Variants in TCF12 observed in about 807,000 individuals in gnomAD.
TCF12 encodes the protein transcription factor 12.
Under a neutral mutation model 86.0 loss-of-function variants are expected in TCF12, and 45 were observed. The ratio of observed to expected loss-of-function variants is 0.52; its 90% CI spans 0.41 to 0.67. TCF12 has a LOEUF of 0.67. TCF12 is among the 30% of genes least tolerant of loss of function. The pLI, the probability that TCF12 is intolerant of heterozygous loss-of-function variation, is 0.00. For missense variants in TCF12, 881 were observed against 859.9 expected, an observed-to-expected ratio of 1.02 and a Z score of -0.31; for synonymous variants, 330 against 299.6, an observed-to-expected ratio of 1.10 and a Z score of -1.05.
At position 56,945,280 on chromosome 15, in the gene TCF12, C is replaced by T. The variant is rs567842005; in HGVS notation, c.148+24182C>T. Among the ~76,000 whole-genome samples the T allele has an allele frequency of 1.6e-3, 241 of 152,058 alleles. 1 individual carries two copies. Among genetic ancestry groups the T allele is most frequent in the African/African-American group, 5.6e-3 (232 of 41,526 alleles). On this transcript the variant is annotated intron_variant, in intron 3 of 20. Transcript: ENST00000333725. ...TGATACTGGAAATTGTGTCTTTTTG[C>T]TTTTTTCTTAATCCGTCTTAAGAGA...
intron 3 of TCF12, among the ~76,000 whole-genome samples, chr15:56,950,319 G>A (rs996219748): frequency 5.3e-5 from 8 of 152,134 alleles, no homozygotes; most frequent in African/African-American, 1.9e-4. Context: ...TCTGCCTACC[G>A]GGTTCAAGCG....
intron 13 of TCF12, chr15:57,247,147 G>A (rs1211359257): frequency 1.8e-5 from 10 of 556,796 alleles, no homozygotes; most frequent in East Asian, 3.7e-5. Context: ...TCACTCCACC[G>A]TCACTCCACC....
chr15:57,035,934 C>T (rs894317389), intron 3 of TCF12, among the ~76,000 whole-genome samples: 2 of 152,182 alleles, frequency 1.3e-5, no homozygotes. Flanking sequence ...TCATAGGAAC[C>T]AAACCCTATT....
chr15:57,066,387 A>G (rs971972457), intron 4 of TCF12, among the ~76,000 whole-genome samples: 2 of 152,158 alleles, frequency 1.3e-5, no homozygotes, highest in Admixed American at 1.3e-4. Context: ...TTGGCTAAAG[A>G]CTAGTTTTGA....
chr15:57,151,163 T>C (rs1190040013), intron 5 of TCF12, among the ~76,000 whole-genome samples: 1 of 148,794 alleles, frequency 6.7e-6, no homozygotes, highest in Non-Finnish European at 1.5e-5. Flanking sequence ...TTTTTTTTTT[T>C]AGAGACAGGG....
intron 5 of TCF12, among the ~76,000 whole-genome samples, chr15:57,117,641 G>A (rs1291251031): frequency 2.0e-5 from 3 of 152,046 alleles, no homozygotes; most frequent in African/African-American, 7.2e-5. Flanking sequence ...AGAATTAAAG[G>A]ACATACTTGA....
At chr15:57,129,499 T>C (rs1488219800) in intron 5 of TCF12, among the ~76,000 whole-genome samples, 1 of 152,184 alleles carries the variant, frequency 6.6e-6, no homozygotes, top group African/African-American at 2.4e-5. Flanking sequence ...GCTGCAGTGA[T>C]CTGTGATGCG....
chr15:57,123,108 G>T (rs1294195359), intron 5 of TCF12, among the ~76,000 whole-genome samples: 1 of 152,162 alleles, frequency 6.6e-6, no homozygotes, highest in African/African-American at 2.4e-5. Context: ...TAAACTTCCT[G>T]CCTTTATGTG....
At chr15:57,284,442 T>A (rs2061844630) in intron 20 of TCF12, among the ~76,000 whole-genome samples, 1 of 152,134 alleles carries the variant, frequency 6.6e-6, no homozygotes, top group East Asian at 1.9e-4. Context: ...ACTCCTGACC[T>A]CAAGCGATCC....
intron 8 of TCF12, among the ~76,000 whole-genome samples, chr15:57,223,127 C>G (rs1419580762): frequency 6.6e-6 from 1 of 151,882 alleles, no homozygotes; most frequent in Non-Finnish European, 1.5e-5. Flanking sequence ...TTTTCACAAC[C>G]ACTGTCATTT....
chr15:57,227,890 T>G (rs2058961637), intron 8 of TCF12, among the ~76,000 whole-genome samples: 1 of 152,134 alleles, frequency 6.6e-6, no homozygotes, highest in East Asian at 1.9e-4. Context: ...TTAAAATAGT[T>G]TGACTCCTGG....
chr15:57,040,071 C>CT (rs757225289), intron 3 of TCF12, among the ~76,000 whole-genome samples: 35 of 152,170 alleles, frequency 2.3e-4, no homozygotes, highest in Admixed American at 1.4e-3. Context: ...TTATTATTGG[C>CT]TTTTTGAGTA....
chr15:57,025,464 T>G (rs188204312), intron 3 of TCF12, among the ~76,000 whole-genome samples: 43 of 152,278 alleles, frequency 2.8e-4, no homozygotes, highest in African/African-American at 1.0e-3. Context: ...TCTATGCACC[T>G]GAATTTTCCC....
chr15:57,230,260 AATT>A (rs1366301104), intron 8 of TCF12, among the ~76,000 whole-genome samples: 3 of 152,002 alleles, frequency 2.0e-5, no homozygotes, highest in Non-Finnish European at 4.4e-5. Flanking sequence ...AAAACAAAAT[AATT>A]TGTTTGTTTC....
intron 7 of TCF12, among the ~76,000 whole-genome samples, chr15:57,197,292 G>C (rs903552520): frequency 6.6e-6 from 1 of 151,432 alleles, no homozygotes; most frequent in Non-Finnish European, 1.5e-5. Flanking sequence ...GAGTCGCTGG[G>C]ATTACAGGCG....
chr15:57,023,285 T>C (rs2065610213), intron 3 of TCF12, among the ~76,000 whole-genome samples: 1 of 152,202 alleles, frequency 6.6e-6, no homozygotes, highest in Admixed American at 6.5e-5. Flanking sequence ...TGCCAAATAC[T>C]TGTAGGTACT....
chr15:57,151,760 ACT>A (rs1232861314), intron 5 of TCF12, among the ~76,000 whole-genome samples: 2 of 72,986 alleles, frequency 2.7e-5, no homozygotes, highest in Non-Finnish European at 5.5e-5. Flanking sequence ...CGACAATGAG[ACT>A]CTGTCTCAAA....
chr15:57,005,173 T>C (rs191694439), intron 3 of TCF12, among the ~76,000 whole-genome samples: 23 of 152,356 alleles, frequency 1.5e-4, no homozygotes, highest in Admixed American at 1.0e-3. Context: ...TTAGGTATTC[T>C]TTAAATAAAC....
intron 7 of TCF12, among the ~76,000 whole-genome samples, chr15:57,193,121 A>G (rs1425757647): frequency 6.6e-6 from 1 of 152,246 alleles, no homozygotes; most frequent in Middle Eastern, 3.2e-3. Context: ...GTTGCTATAA[A>G]TAGATTTAAC....
Sources: gnomAD v4.1 joint callset for allele counts (sites outside exome capture counted in the v4.1 genomes callset) on GRCh38, gnomAD v4.1.1 for gene constraint, MANE v1.5 for transcripts, NCBI Gene and HGNC (gene_info 2026-07-23, HGNC 2026-07-21) for gene names.